Variants in CELF4 observed in about 807,000 individuals in gnomAD.
The protein encoded by CELF4 is CUGBP Elav-like family member 4, also known as CUG-BP- and ETR-3-like factor 4.
In CELF4, 18 loss-of-function variants were observed where a neutral mutation model predicts 59.9. That is an observed-to-expected ratio of 0.30 (90% CI 0.21 to 0.45). The LOEUF (loss-of-function observed/expected upper bound fraction) is 0.45. Among genes scored for constraint, CELF4 ranks in the 20% least tolerant of loss-of-function variants. CELF4 has a pLI of 1.00. For synonymous variants in CELF4, 261 were observed against 267.1 expected (o/e 0.98, Z 0.22); for missense variants, 456 against 689.0 (o/e 0.66, Z 3.79).
intron 1 of CELF4, among the ~76,000 whole-genome samples, chr18:37,511,063 C>G (rs368106238): frequency 6.6e-6 from 1 of 152,170 alleles, no homozygotes; most frequent in African/African-American, 2.4e-5. Context: ...CATCCCCCAG[C>G]GGTGCTCTGT....
chr18:37,487,792 C>A (rs1399411423), intron 1 of CELF4, among the ~76,000 whole-genome samples: 1 of 152,118 alleles, frequency 6.6e-6, no homozygotes, highest in Admixed American at 6.5e-5. Context: ...GAGGAAATGA[C>A]CATATTGTTT....
At chr18:37,389,664 C>A (rs2099136481) in intron 2 of CELF4, among the ~76,000 whole-genome samples, 1 of 152,146 alleles carries the variant, frequency 6.6e-6, no homozygotes, top group African/African-American at 2.4e-5. Flanking sequence ...CACACACACC[C>A]CTGAGGATGG....
At chr18:37,332,667 C>T (rs912125901) in intron 2 of CELF4, among the ~76,000 whole-genome samples, 1 of 152,242 alleles carries the variant, frequency 6.6e-6, no homozygotes, top group African/African-American at 2.4e-5. Context: ...TGCTGGTTTC[C>T]CAGGGGGAAG....
intron 3 of CELF4, among the ~76,000 whole-genome samples, chr18:37,302,550 C>T (rs1167307659): frequency 6.6e-6 from 1 of 152,144 alleles, no homozygotes; most frequent in Non-Finnish European, 1.5e-5. Context: ...TCAGTGACCA[C>T]ATCTGAAGAC....
intron 2 of CELF4, among the ~76,000 whole-genome samples, chr18:37,389,587 C>T (rs571089885): frequency 3.7e-4 from 57 of 152,168 alleles, no homozygotes; most frequent in Middle Eastern, 3.4e-3. Flanking sequence ...ATGGCTGGAC[C>T]TCTGGGTATG....
intron 2 of CELF4, among the ~76,000 whole-genome samples, chr18:37,481,478 C>T (rs994553713): frequency 3.4e-4 from 51 of 152,200 alleles, no homozygotes; most frequent in African/African-American, 1.1e-3. Context: ...CAGAAGGGCT[C>T]TTCCTGGAAG....
intron 1 of CELF4, among the ~76,000 whole-genome samples, chr18:37,514,186 A>C (rs2099947942): frequency 6.6e-6 from 1 of 151,984 alleles, no homozygotes; most frequent in South Asian, 2.1e-4. Flanking sequence ...AGAGGCTCTG[A>C]TCCTCTCTGG....
intron 2 of CELF4, among the ~76,000 whole-genome samples, chr18:37,349,167 G>A (rs1307852816): frequency 1.3e-5 from 2 of 152,208 alleles, no homozygotes; most frequent in Non-Finnish European, 2.9e-5. Flanking sequence ...AACAGTGTTC[G>A]GAAACTCAGA....
At chr18:37,429,275 G>A (rs147736399) in intron 2 of CELF4, among the ~76,000 whole-genome samples, 3 of 152,286 alleles carry the variant, frequency 2.0e-5, no homozygotes, top group African/African-American at 4.8e-5. Flanking sequence ...CAGGAGAGAA[G>A]AGCCTGAAAG....
At chr18:37,401,547 CA>C (rs1304945190) in intron 2 of CELF4, among the ~76,000 whole-genome samples, 7 of 152,292 alleles carry the variant, frequency 4.6e-5, no homozygotes, top group Admixed American at 3.9e-4. Flanking sequence ...GTCCTCAGAA[CA>C]GCCTTATGAG....
chr18:37,415,699 G>A (rs1164868311), intron 2 of CELF4, among the ~76,000 whole-genome samples: 1 of 152,180 alleles, frequency 6.6e-6, no homozygotes, highest in Admixed American at 6.5e-5. Context: ...TGCTGTATAT[G>A]GAGCCTGACG....
chr18:37,497,738 A>G (rs989404832), intron 1 of CELF4, among the ~76,000 whole-genome samples: 1 of 152,192 alleles, frequency 6.6e-6, no homozygotes, highest in Admixed American at 6.5e-5. Flanking sequence ...ATACCTATCA[A>G]GCCAAAGTTT....
At chr18:37,304,613 C>A (rs921667018) in intron 3 of CELF4, among the ~76,000 whole-genome samples, 4 of 152,226 alleles carry the variant, frequency 2.6e-5, no homozygotes, top group Non-Finnish European at 1.5e-5. Flanking sequence ...GCCAGTCCAC[C>A]TGGGGAGAGG....
chr18:37,556,174 C>T (rs2099984730), intron 1 of CELF4, among the ~76,000 whole-genome samples: 1 of 152,214 alleles, frequency 6.6e-6, no homozygotes, highest in Admixed American at 6.5e-5. Context: ...ATGCCTCATT[C>T]TCTCAATTTA....
chr18:37,339,955 G>C (rs540618890), intron 2 of CELF4, among the ~76,000 whole-genome samples: 1 of 152,062 alleles, frequency 6.6e-6, no homozygotes, highest in African/African-American at 2.4e-5. Flanking sequence ...CTGTGTGTCC[G>C]GCTGTTTCCC....
At chr18:37,326,147 C>T (rs1422507375) in intron 2 of CELF4, among the ~76,000 whole-genome samples, 12 of 152,054 alleles carry the variant, frequency 7.9e-5, no homozygotes, top group Admixed American at 6.5e-5. Context: ...CGGGAGAGAA[C>T]AAGGCAGAGC....
chr18:37,446,437 A>G (rs1603641381), intron 2 of CELF4, among the ~76,000 whole-genome samples: 1 of 151,958 alleles, frequency 6.6e-6, no homozygotes, highest in East Asian at 1.9e-4. Flanking sequence ...AAAGGCTTGG[A>G]CTGTAGTTTC....
chr18:37,376,077 A>C (rs1209282303), intron 2 of CELF4, among the ~76,000 whole-genome samples: 1 of 152,188 alleles, frequency 6.6e-6, no homozygotes, highest in Non-Finnish European at 1.5e-5. Flanking sequence ...CAGGTTTGTC[A>C]GGAGCAGAGC....
At chr18:37,327,986 T>C (rs1266306155) in intron 2 of CELF4, among the ~76,000 whole-genome samples, 4 of 152,198 alleles carry the variant, frequency 2.6e-5, no homozygotes, top group Non-Finnish European at 5.9e-5. Context: ...CCTGCACTAC[T>C]CCTTTCTCTC....
Sources: gnomAD v4.1 joint callset for allele counts (sites outside exome capture counted in the v4.1 genomes callset) on GRCh38, gnomAD v4.1.1 for gene constraint, MANE v1.5 for transcripts, NCBI Gene and HGNC (gene_info 2026-07-23, HGNC 2026-07-21) for gene names.